The following DUSP11 variants were observed in gnomAD, a reference collection of about 807,000 sequenced individuals.
The protein encoded by DUSP11 is RNA/RNP complex-1-interacting phosphatase.
Under a neutral mutation model 41.4 loss-of-function variants are expected in DUSP11, and 27 were observed. That is an observed-to-expected ratio of 0.65 (90% CI 0.48 to 0.90). The LOEUF (loss-of-function observed/expected upper bound fraction) is 0.90. Among genes scored for constraint, DUSP11 ranks in the 40% least tolerant of loss-of-function variants. The pLI is 0.00. For synonymous variants in DUSP11, 188 were observed against 159.3 expected, an observed-to-expected ratio of 1.18 and a Z score of -1.35; for missense variants, 465 against 461.1, an observed-to-expected ratio of 1.01 and a Z score of -0.08.
chr2:73,765,747 T>C (rs1037372738), intron 8 of DUSP11, among the ~76,000 whole-genome samples: 4 of 152,234 alleles, frequency 2.6e-5, no homozygotes, highest in African/African-American at 9.6e-5. Flanking sequence ...TAGGATTTTA[T>C]TATTTTTCTT....
At chr2:73,775,863 TTAAAAAAAAAAAAA>T (rs1672673904) in intron 2 of DUSP11, among the ~76,000 whole-genome samples, 1 of 101,502 alleles carries the variant, frequency 9.9e-6, no homozygotes, top group Non-Finnish European at 1.8e-5. Flanking sequence ...AAAAAAAAAT[TTAAAAAAAAAAAAA>T]AAAAAAAAAA....
chr2:73,775,566 A>G (rs1672664351), intron 2 of DUSP11, among the ~76,000 whole-genome samples: 1 of 142,154 alleles, frequency 7.0e-6, no homozygotes, highest in South Asian at 2.4e-4. Flanking sequence ...TTTTAAAGAG[A>G]TAGGGTCAGC....
intron 8 of DUSP11, 26 bp from the exon 9 acceptor site, chr2:73,762,885 G>A (rs1672389789): frequency 8.5e-7 from 1 of 1,179,320 alleles, no homozygotes; most frequent in African/African-American, 1.5e-5. Flanking sequence ...AAAGTAATAA[G>A]CCATTACTAG....
At chr2:73,768,458 A>G in intron 5 of DUSP11, 1 of 985,268 alleles carries the variant, frequency 1.0e-6, no homozygotes, top group South Asian at 4.7e-5. Context: ...AACTCAGTAC[A>G]GTGTGGCAAC....
intron 5 of DUSP11, chr2:73,767,412 G>A: frequency 2.2e-6 from 1 of 450,014 alleles, no homozygotes; most frequent in Non-Finnish European, 3.9e-6. Context: ...CCCAACTCCA[G>A]AAAATCTATT....
rs1294510182 is a variant in DUSP11 at position 73,766,822 on chromosome 2, A to T, written c.758+6T>A. On this transcript the variant is annotated splice_donor_region_variant and intron_variant, in intron 7 of 8. Transcript: ENST00000272444. ...ACAAATCTCACATATATAACATAAGACTTACTTTCTGATAGGACCATTCTG... is the reference window on the plus strand; with the variant it reads ...ACAAATCTCACATATATAACATAAGTCTTACTTTCTGATAGGACCATTCTG... The T allele has an allele frequency of 1.2e-6, 2 of 1,604,200 alleles. No homozygotes were observed. Among genetic ancestry groups the T allele is most frequent in the African/African-American group, 2.7e-5 (2 of 74,668 alleles).
intron 1 of DUSP11, 136 bp downstream of exon 1, chr2:73,779,738 G>A: frequency 1.5e-6 from 2 of 1,376,920 alleles, no homozygotes; most frequent in Admixed American, 2.4e-5. Context: ...GGCGCAGAGG[G>A]TCAAAGCCTC....
At chr2:73,764,619 A>G (rs1672422519) in intron 8 of DUSP11, among the ~76,000 whole-genome samples, 1 of 152,234 alleles carries the variant, frequency 6.6e-6, no homozygotes, top group African/African-American at 2.4e-5. Context: ...CAAAGCCAAC[A>G]TGCAAATCCA....
At chr2:73,776,663 C>T (rs1672692567) in intron 2 of DUSP11, among the ~76,000 whole-genome samples, 1 of 152,052 alleles carries the variant, frequency 6.6e-6, no homozygotes, top group Non-Finnish European at 1.5e-5. Flanking sequence ...ATTGTATGTA[C>T]ATATTATGTT....
chr2:73,771,570 T>G (rs1672573844), intron 4 of DUSP11, among the ~76,000 whole-genome samples: 1 of 151,784 alleles, frequency 6.6e-6, no homozygotes, highest in Admixed American at 6.6e-5. Context: ...CTCGGCTCAC[T>G]GCAAGTTCCG....
exon 9 of DUSP11, chr2:73,762,327 A>G (rs1457276105): frequency 5.9e-6 from 1 of 168,706 alleles, no homozygotes; most frequent in Non-Finnish European, 1.3e-5. Context: ...ACATAAACAC[A>G]CGCATATCAC....
intron 8 of DUSP11, among the ~76,000 whole-genome samples, chr2:73,765,334 A>G (rs1672441524): frequency 6.6e-6 from 1 of 152,204 alleles, no homozygotes; most frequent in African/African-American, 2.4e-5. Flanking sequence ...TTGAGGACTC[A>G]TACCAGTGTC....
intron 4 of DUSP11, 32 bp downstream of exon 4, chr2:73,773,768 A>T: frequency 6.4e-7 from 1 of 1,571,994 alleles, no homozygotes; most frequent in Non-Finnish European, 8.6e-7. Context: ...TTCATAATGC[A>T]CACCACAGTT....
chr2:73,770,242 T>C (rs1573180280), intron 4 of DUSP11, among the ~76,000 whole-genome samples: 1 of 148,344 alleles, frequency 6.7e-6, no homozygotes, highest in East Asian at 2.0e-4. Context: ...CTGCCGGGCA[T>C]GGTGGCTCAC....
chr2:73,780,029 G>A (rs763337094), exon 1 of DUSP11: 4 of 1,613,832 alleles, frequency 2.5e-6, no homozygotes, highest in African/African-American at 1.3e-5. Flanking sequence ...GCGCCAGTCC[G>A]GCGCCCTCAA....
exon 2 of DUSP11, chr2:73,778,327 T>G: frequency 6.4e-7 from 1 of 1,561,606 alleles, no homozygotes; most frequent in Non-Finnish European, 8.6e-7. Flanking sequence ...TTGAAAGCAA[T>G]GAAACGAGTC....
exon 1 of DUSP11, chr2:73,779,971 T>C: frequency 1.2e-6 from 2 of 1,614,200 alleles, no homozygotes; most frequent in Non-Finnish European, 1.7e-6. Flanking sequence ...TGCCACTGGC[T>C]CATGTGGGTC....
intron 2 of DUSP11, among the ~76,000 whole-genome samples, chr2:73,778,082 T>C (rs1672718438): frequency 6.6e-6 from 1 of 151,882 alleles, no homozygotes; most frequent in African/African-American, 2.4e-5. Context: ...AAATTACTTT[T>C]ATTTTATTTT....
intron 8 of DUSP11, 137 bp from the exon 9 acceptor site, chr2:73,762,996 T>C (rs1345898329): frequency 3.2e-6 from 1 of 311,746 alleles, no homozygotes; most frequent in East Asian, 7.1e-5. Context: ...GTTTCCTACC[T>C]GTGTGACCTA....
Sources: gnomAD v4.1 joint callset for allele counts (sites outside exome capture counted in the v4.1 genomes callset) on GRCh38, gnomAD v4.1.1 for gene constraint, MANE v1.5 for transcripts, NCBI Gene and HGNC (gene_info 2026-07-23, HGNC 2026-07-21) for gene names.